Variants in BTBD9 observed in about 807,000 individuals in gnomAD.
The protein encoded by BTBD9 is BTB domain containing 9.
A neutral mutation model predicts 64.3 loss-of-function variants in BTBD9; 49 were observed. The observed-to-expected ratio is 0.76, with a 90% CI of 0.61 to 0.97. The LOEUF is 0.97. Among genes scored for constraint, BTBD9 ranks in the 50% least tolerant of loss-of-function variants. The pLI is 0.00. For synonymous variants in BTBD9, 260 were observed against 274.7 expected, an observed-to-expected ratio of 0.95 and a Z score of 0.53; for missense variants, 598 against 762.1, an observed-to-expected ratio of 0.78 and a Z score of 2.53.
At chr6:38,516,263 A>G (rs1425863258) in intron 6 of BTBD9, among the ~76,000 whole-genome samples, 1 of 152,170 alleles carries the variant, frequency 6.6e-6, no homozygotes, top group Non-Finnish European at 1.5e-5. Context: ...CATGAAATAA[A>G]TAAGTCAGCC....
At chr6:38,459,917 C>T (rs1276277770) in intron 6 of BTBD9, among the ~76,000 whole-genome samples, 4 of 152,174 alleles carry the variant, frequency 2.6e-5, no homozygotes, top group African/African-American at 9.7e-5. Context: ...ATTGATTTGT[C>T]TACCGTGGTT....
chr6:38,384,392 CAA>C (rs1766065698), intron 6 of BTBD9, among the ~76,000 whole-genome samples: 1 of 152,130 alleles, frequency 6.6e-6, no homozygotes, highest in South Asian at 2.1e-4. Context: ...TTAAAAGAGA[CAA>C]AGATTGCTAT....
At chr6:38,503,078 C>T (rs1437463186) in intron 6 of BTBD9, among the ~76,000 whole-genome samples, 1 of 152,144 alleles carries the variant, frequency 6.6e-6, no homozygotes, top group African/African-American at 2.4e-5. Context: ...GAGTTTATGC[C>T]TAACTCACTC....
At position 38,174,991 on chromosome 6, in the gene BTBD9, G is replaced by T. The variant is rs746852318; in HGVS notation, c.1833C>A (p.His611Gln). ...GSNSRSPNRQHQ is the reference protein window; with the variant it reads ...GSNSRSPNRQQQ Reference sequence around the variant, plus strand: ...ACCAGGCCCGCTGCCTCCTTTATTGGTGCTGCCGGTTGGGGGAGCGTGAGT... The same window carrying T: ...ACCAGGCCCGCTGCCTCCTTTATTGTTGCTGCCGGTTGGGGGAGCGTGAGT... Residue 611 changes from histidine to glutamine, a missense_variant, in exon 11 of 11, where the codon CAC (histidine) becomes CAA (glutamine). His to Gln is a conservative substitution (Grantham distance 24). Transcript: ENST00000481247. 2 of 1,613,754 alleles carry T rather than the reference G, an allele frequency of 1.2e-6. No individual in the cohort carries two copies. Among genetic ancestry groups the T allele is most frequent in the Non-Finnish European group, 1.7e-6 (2 of 1,180,046 alleles).
intron 7 of BTBD9, among the ~76,000 whole-genome samples, chr6:38,302,776 T>C (rs142256704): frequency 2.6e-5 from 4 of 151,988 alleles, no homozygotes; most frequent in African/African-American, 4.8e-5. Flanking sequence ...TGTATAAGAG[T>C]TCCCCCTTTC....
chr6:38,243,843 C>G (rs1237962908), intron 9 of BTBD9, among the ~76,000 whole-genome samples: 4 of 152,178 alleles, frequency 2.6e-5, no homozygotes, highest in Non-Finnish European at 4.4e-5. Flanking sequence ...ATTCTGTGTG[C>G]ATGCTGGACC....
At chr6:38,381,492 C>A (rs963900164) in intron 6 of BTBD9, among the ~76,000 whole-genome samples, 1 of 152,040 alleles carries the variant, frequency 6.6e-6, no homozygotes, top group African/African-American at 2.4e-5. Context: ...ACTGAGAAAT[C>A]CACTATCAAT....
chr6:38,354,030 T>A (rs560089788), intron 6 of BTBD9, among the ~76,000 whole-genome samples: 33 of 152,026 alleles, frequency 2.2e-4, no homozygotes, highest in Non-Finnish European at 3.4e-4. Context: ...GAGAGTTAAA[T>A]AGAGGAGGAA....
In BTBD9 at chr6:38,174,912, C is replaced by T; in HGVS notation, c.*73G>A. The T allele has an allele frequency of 6.4e-7, 1 of 1,560,906 alleles. No individual in the cohort carries two copies. The highest frequency in any genetic ancestry group is 8.7e-7 in the Non-Finnish European group (1 of 1,146,006). On this transcript the variant is annotated 3_prime_UTR_variant, in exon 11 of 11. Transcript: ENST00000481247. Reference sequence around the variant, plus strand: ...CAGAGGTGGGGGCAGTCAACAGAGACCCCTGCTCAGGGAGGAGACCGTTTC... The same window carrying T: ...CAGAGGTGGGGGCAGTCAACAGAGATCCCTGCTCAGGGAGGAGACCGTTTC...
intron 7 of BTBD9, among the ~76,000 whole-genome samples, chr6:38,317,671 TTTC>T (rs1216361554): frequency 6.6e-6 from 1 of 152,188 alleles, no homozygotes; most frequent in Non-Finnish European, 1.5e-5. Flanking sequence ...GAAAGCATTC[TTTC>T]TTCTTTTTTA....
At chr6:38,420,272 G>C (rs1767844492) in intron 6 of BTBD9, among the ~76,000 whole-genome samples, 1 of 152,108 alleles carries the variant, frequency 6.6e-6, no homozygotes, top group South Asian at 2.1e-4. Context: ...CTTTATAAGA[G>C]TTATTGTGCA....
chr6:38,596,616 C>T (rs1051514635), intron 2 of BTBD9, among the ~76,000 whole-genome samples: 1 of 151,710 alleles, frequency 6.6e-6, no homozygotes, highest in Admixed American at 6.6e-5. Flanking sequence ...CTGGCTAACA[C>T]GGTGAAACCC....
intron 7 of BTBD9, among the ~76,000 whole-genome samples, chr6:38,307,771 C>T (rs1274473961): frequency 6.6e-6 from 1 of 152,188 alleles, no homozygotes; most frequent in Non-Finnish European, 1.5e-5. Flanking sequence ...TCCATTTTAG[C>T]CAGTGATAAG....
chr6:38,631,966 T>C (rs1380681620), intron 1 of BTBD9, among the ~76,000 whole-genome samples: 1 of 152,190 alleles, frequency 6.6e-6, no homozygotes, highest in Non-Finnish European at 1.5e-5. Context: ...CCGTCTCTAC[T>C]AAAAATACAA....
chr6:38,213,806 C>T (rs1762915904), intron 9 of BTBD9, among the ~76,000 whole-genome samples: 2 of 151,868 alleles, frequency 1.3e-5, no homozygotes, highest in African/African-American at 2.4e-5. Flanking sequence ...ATGGTGAAAC[C>T]CCATCTCTAC....
At chr6:38,448,342 G>T (rs146378049) in intron 6 of BTBD9, among the ~76,000 whole-genome samples, 4 of 152,104 alleles carry the variant, frequency 2.6e-5, no homozygotes, top group Non-Finnish European at 5.9e-5. Context: ...GGAAGGTGAC[G>T]GTGGGAGATA....
At chr6:38,372,162 C>A (rs1582312842) in intron 6 of BTBD9, among the ~76,000 whole-genome samples, 1 of 152,222 alleles carries the variant, frequency 6.6e-6, no homozygotes, top group Non-Finnish European at 1.5e-5. Flanking sequence ...TGTCTTTGGG[C>A]CTTGAATGAG....
intron 5 of BTBD9, among the ~76,000 whole-genome samples, chr6:38,578,216 G>A (rs13213112): frequency 0.21 from 32,515 of 151,948 alleles, 3,776 homozygotes; most frequent in Middle Eastern, 0.3. Context: ...CCTCACAGAG[G>A]GCAGCTTATC....
chr6:38,191,727 G>A (rs558091864), intron 10 of BTBD9, among the ~76,000 whole-genome samples: 7 of 152,308 alleles, frequency 4.6e-5, no homozygotes, highest in South Asian at 2.1e-4. Context: ...CTCAGGGAGC[G>A]GGTGGCTGAG....
Sources: allele counts gnomAD v4.1 joint callset (sites outside exome capture counted in the v4.1 genomes callset), GRCh38; gene constraint gnomAD v4.1.1; transcripts MANE v1.5; gene names NCBI Gene and HGNC (gene_info 2026-07-23, HGNC 2026-07-21).